RNF180: variants seen among roughly 807,000 people sequenced by gnomAD.
RNF180 encodes the protein ring finger protein 180, also known as E3 ubiquitin-protein ligase RNF180.
RNF180 carries 38 observed loss-of-function variants against 59.2 expected under a neutral mutation model. The ratio of observed to expected loss-of-function variants is 0.64; its 90% confidence interval spans 0.50 to 0.84. The LOEUF is 0.84. Ranked by LOEUF, RNF180 falls within the 40% of genes least tolerant of loss-of-function variation. The pLI, the probability that RNF180 is intolerant of heterozygous loss-of-function variation, is 0.00. For synonymous variants in RNF180, 262 were observed against 240.3 expected (o/e 1.09, Z -0.84); for missense variants, 705 against 700.9 (o/e 1.01, Z -0.07).
At chr5:64,360,367 C>G (rs899300047) in intron 7 of RNF180, among the ~76,000 whole-genome samples, 1 of 151,714 alleles carries the variant, frequency 6.6e-6, no homozygotes, top group African/African-American at 2.4e-5. Flanking sequence ...TTCAACAACC[C>G]TTCATGCTAA....
chr5:64,307,221 A>T (rs1363516896), intron 5 of RNF180, among the ~76,000 whole-genome samples: 1 of 150,504 alleles, frequency 6.6e-6, no homozygotes, highest in Non-Finnish European at 1.5e-5. Flanking sequence ...CAATACTCTA[A>T]ATATATTGGG....
rs753152791 is a variant in RNF180, at chr5:64,213,912, G to A, written c.586G>A (p.Glu196Lys). 29 of 1,613,944 alleles carry A rather than the reference G, an allele frequency of 1.8e-5. No individual in the cohort carries two copies. Among genetic ancestry groups the A allele is most frequent in the South Asian group, 3.3e-5 (3 of 91,086 alleles). Residue 196 changes from glutamate (E) to lysine (K), a missense_variant, in exon 4 of 8, where the codon GAA (glutamate) becomes AAA (lysine). Transcript: ENST00000389100. ...VRPTYFEMKN[E>K]KLLSKASEPK... Reference sequence around the variant, plus strand: ...ACCAACATATTTTGAGATGAAGAACGAAAAACTGCTGTCCAAAGCATCAGA... The same window carrying A: ...ACCAACATATTTTGAGATGAAGAACAAAAAACTGCTGTCCAAAGCATCAGA...
chr5:64,211,310 T>C (rs1346179470), intron 2 of RNF180, among the ~76,000 whole-genome samples: 1 of 152,094 alleles, frequency 6.6e-6, no homozygotes, highest in Non-Finnish European at 1.5e-5. Context: ...CAAACAGCCA[T>C]GAGGAAGCAG....
Position 64,237,070 on chromosome 5 carries a change from G to A in RNF180, c.1227+19674G>A, listed in dbSNP as rs558536890. 3.3e-5 allele frequency among the ~76,000 whole-genome samples: 5 copies of A among 152,296 alleles called. No homozygotes were observed. In the South Asian group the frequency reaches 1.0e-3, roughly 32 times the overall value. On this transcript the variant is annotated intron_variant, in intron 5 of 7. Coordinates refer to ENST00000389100, the MANE Select transcript of RNF180 (RefSeq NM_001113561.2). ...AGTCTCCACTGGAGCACTGCCTAGG[G>A]GAACTGAGAAGAGGGCCACTGTCCT...
chr5:64,191,148 T>C (rs893311225), intron 1 of RNF180, among the ~76,000 whole-genome samples: 1 of 152,196 alleles, frequency 6.6e-6, no homozygotes, highest in Non-Finnish European at 1.5e-5. Context: ...TTTAGAGCAG[T>C]CTGTTTATAG....
At position 64,348,781 on chromosome 5, in the gene RNF180, G is replaced by T. The variant is rs137898469; in HGVS notation, c.1579+18375G>T. 2.3e-4 allele frequency among the ~76,000 whole-genome samples: 35 copies of T among 152,082 alleles called. No individual in the cohort carries two copies. The East Asian group carries it at 6.4e-3, about 28-fold the overall frequency. ...TATGTAAGTCTAAAATTATAAAACAGATTTTTTAGTTCTCTAAATGACTAT... is the reference window on the plus strand; with the variant it reads ...TATGTAAGTCTAAAATTATAAAACATATTTTTTAGTTCTCTAAATGACTAT... On this transcript the variant is annotated intron_variant, in intron 7 of 7. Transcript: ENST00000389100.
intron 5 of RNF180, 102 bp from the exon 6 acceptor site, chr5:64,325,084 T>A (rs952471668): frequency 2.9e-6 from 2 of 697,808 alleles, no homozygotes; most frequent in Non-Finnish European, 4.9e-6. Context: ...ACAGTTTATA[T>A]GCTTCTCAAA....
intron 5 of RNF180, 141 bp downstream of exon 5, chr5:64,217,537 T>G: frequency 1.6e-6 from 2 of 1,249,802 alleles, no homozygotes; most frequent in Non-Finnish European, 2.0e-6. Flanking sequence ...GTTTTAAAAT[T>G]TTAGTCATTC....
rs1344539687 is a variant in RNF180, at chr5:64,351,247, G to A, written c.1580-18368G>A. On this transcript the variant is annotated intron_variant, in intron 7 of 7. Transcript: ENST00000389100. ...ATAAGAATCCTTGTGATTTTTGTAC[G>A]TTGATTATGTATCCTGAGACTGCTG... is the stretch of plus-strand genomic sequence containing the variant. Among the ~76,000 whole-genome samples the A allele has an allele frequency of 9.2e-5, 14 of 152,200 alleles. 1 individual carries two copies. Among genetic ancestry groups the A allele is most frequent in the African/African-American group, 1.4e-4 (6 of 41,516 alleles).
chr5:64,260,324 CCTT>C (rs1455761966), intron 5 of RNF180, among the ~76,000 whole-genome samples: 1 of 151,978 alleles, frequency 6.6e-6, no homozygotes. Context: ...CTGTAATTAT[CCTT>C]CTATTAATGA....
At chr5:64,192,903 G>GTA (rs70983610) in intron 1 of RNF180, among the ~76,000 whole-genome samples, 4,798 of 93,442 alleles carry the variant, frequency 0.051, 193 homozygotes, top group East Asian at 0.075. Context: ...AGTGTGGCAT[G>GTA]TATATATATA....
intron 7 of RNF180, among the ~76,000 whole-genome samples, chr5:64,346,383 T>C (rs1189200996): frequency 2.1e-5 from 3 of 143,392 alleles, no homozygotes; most frequent in Non-Finnish European, 4.6e-5. Context: ...TTTTTTTTTT[T>C]TTTCTGAGAG....
intron 5 of RNF180, among the ~76,000 whole-genome samples, chr5:64,319,327 C>A (rs1744224174): frequency 6.6e-6 from 1 of 151,968 alleles, no homozygotes; most frequent in African/African-American, 2.4e-5. Flanking sequence ...AAAATAATTT[C>A]TATAGAAGAC....
At chr5:64,219,656 A>AG (rs1752807741) in intron 5 of RNF180, among the ~76,000 whole-genome samples, 2 of 150,610 alleles carry the variant, frequency 1.3e-5, no homozygotes, top group African/African-American at 4.9e-5. Context: ...TGGGACTACA[A>AG]GCGCACGCCA....
intron 5 of RNF180, among the ~76,000 whole-genome samples, chr5:64,275,376 A>G (rs1279334215): frequency 6.7e-6 from 1 of 148,172 alleles, no homozygotes; most frequent in African/African-American, 2.5e-5. Context: ...CACAAAGTCC[A>G]CATTAGTCCA....
chr5:64,281,588 T>A (rs1447694892), intron 5 of RNF180, among the ~76,000 whole-genome samples: 1 of 152,114 alleles, frequency 6.6e-6, no homozygotes, highest in Admixed American at 6.5e-5. Flanking sequence ...AACCTCTGCC[T>A]CCCAGGTTCA....
intron 5 of RNF180, among the ~76,000 whole-genome samples, chr5:64,305,285 A>G (rs554715672): frequency 6.6e-6 from 1 of 151,514 alleles, no homozygotes; most frequent in African/African-American, 2.4e-5. Context: ...CTCAGAGCTT[A>G]TTTAACTTTT....
intron 2 of RNF180, among the ~76,000 whole-genome samples, chr5:64,209,998 G>A (rs1330908676): frequency 6.6e-6 from 1 of 152,040 alleles, no homozygotes; most frequent in African/African-American, 2.4e-5. Flanking sequence ...TTGTGTATGA[G>A]TTGGAGAGAA....
At chr5:64,219,374 T>TA in intron 5 of RNF180, among the ~76,000 whole-genome samples, 1 of 152,134 alleles carries the variant, frequency 6.6e-6, no homozygotes, top group South Asian at 2.1e-4. Context: ...GAGGATTTTT[T>TA]ATGCCTCCGT....
Sources: gnomAD v4.1 joint callset for allele counts (sites outside exome capture counted in the v4.1 genomes callset) on GRCh38, gnomAD v4.1.1 for gene constraint, MANE v1.5 for transcripts, NCBI Gene and HGNC (gene_info 2026-07-23, HGNC 2026-07-21) for gene names.